DNAH3: variants seen among roughly 807,000 people sequenced by gnomAD.
DNAH3 encodes the protein dynein axonemal heavy chain 3.
Under a neutral mutation model 432.5 loss-of-function variants are expected in DNAH3, and 332 were observed. The observed-to-expected ratio is 0.77, with a 90% CI of 0.70 to 0.84. The LOEUF (loss-of-function observed/expected upper bound fraction) is 0.84. DNAH3 is among the 40% of genes least tolerant of loss of function. The pLI is 0.00. For synonymous variants in DNAH3, 1,956 were observed against 1,900.2 expected, an observed-to-expected ratio of 1.03 and a Z score of -0.76; for missense variants, 4,861 against 5,114.0, an observed-to-expected ratio of 0.95 and a Z score of 1.51.
At chr16:21,141,991 T>C (rs1356791949) in intron 3 of DNAH3, among the ~76,000 whole-genome samples, 1 of 151,896 alleles carries the variant, frequency 6.6e-6, no homozygotes, top group Non-Finnish European at 1.5e-5. Flanking sequence ...AGGTGGAGGT[T>C]GCAGTGAGCC....
chr16:21,051,283 G>C (rs2089944738), intron 29 of DNAH3, among the ~76,000 whole-genome samples: 1 of 152,126 alleles, frequency 6.6e-6, no homozygotes, highest in African/African-American at 2.4e-5. Context: ...CTTTTTTCAT[G>C]AGACTGGCTG....
intron 15 of DNAH3, among the ~76,000 whole-genome samples, chr16:21,105,131 G>A (rs994728624): frequency 1.3e-5 from 2 of 152,274 alleles, no homozygotes; most frequent in African/African-American, 4.8e-5. Flanking sequence ...AGAGCCCACA[G>A]TGAGAGTCCA....
chr16:20,940,874 G>A (rs920257248), intron 59 of DNAH3, among the ~76,000 whole-genome samples: 45 of 152,092 alleles, frequency 3.0e-4, no homozygotes, highest in African/African-American at 1.1e-3. Flanking sequence ...CTGGAGGCCT[G>A]CTTGAGGCCA....
At chr16:21,117,385 G>C (rs1165301504) in intron 11 of DNAH3, 46 bp from the exon 12 acceptor site, 2 of 1,080,190 alleles carry the variant, frequency 1.9e-6, no homozygotes, top group Non-Finnish European at 2.8e-6. Context: ...CTTAAGAAGG[G>C]AGATGGTACC....
rs370450102 is a variant in DNAH3 at position 21,132,242 on chromosome 16, C to CTCT, written c.1082+2016_1082+2017insAGA. ...TAGGTTCTCCAAGCCACAGGGCTCCCTTAAGACTGAACACGTTCAAAGCTA... is the reference window on the plus strand; with the variant it reads ...TAGGTTCTCCAAGCCACAGGGCTCCCTCTTTAAGACTGAACACGTTCAAAGCTA... On this transcript the variant is annotated intron_variant, in intron 7 of 61. Coordinates refer to ENST00000261383, the Ensembl canonical transcript of DNAH3. 5.8e-3 allele frequency among the ~76,000 whole-genome samples: 879 copies of CTCT among 152,274 alleles called. 15 individuals are homozygous for CTCT. Among genetic ancestry groups the CTCT allele is most frequent in the African/African-American group, 0.02 (839 of 41,572 alleles).
At chr16:21,078,174 C>T (rs1001907281) in intron 20 of DNAH3, among the ~76,000 whole-genome samples, 1 of 149,230 alleles carries the variant, frequency 6.7e-6, no homozygotes, top group East Asian at 2.0e-4. Flanking sequence ...ACTCAGGAGG[C>T]TGAGGCAGGA....
chr16:21,034,692 C>T (rs986462374), intron 35 of DNAH3, among the ~76,000 whole-genome samples: 6 of 152,158 alleles, frequency 3.9e-5, no homozygotes, highest in Admixed American at 2.6e-4. Flanking sequence ...ACACAAGCAG[C>T]TTTGTATTTT....
chr16:20,954,204 C>G (rs989435324), intron 55 of DNAH3, among the ~76,000 whole-genome samples: 62 of 111,232 alleles, frequency 5.6e-4, no homozygotes, highest in African/African-American at 2.1e-3. Context: ...GCGTGGGTGA[C>G]AGAGTGAGAC....
chr16:20,957,809 A>C (rs1032909344), intron 54 of DNAH3, among the ~76,000 whole-genome samples: 2 of 29,776 alleles, frequency 6.7e-5, no homozygotes, highest in Non-Finnish European at 1.2e-4. Context: ...CTCCATCTCC[A>C]AAAAAAAAAA....
chr16:21,155,858 A>T (rs1597507730), intron 1 of DNAH3, among the ~76,000 whole-genome samples: 1 of 152,296 alleles, frequency 6.6e-6, no homozygotes, highest in East Asian at 1.9e-4. Context: ...TTGCTAAAAA[A>T]ATTTCACACA....
intron 34 of DNAH3, among the ~76,000 whole-genome samples, chr16:21,037,533 A>T (rs543475001): frequency 6.6e-6 from 1 of 152,342 alleles, no homozygotes; most frequent in South Asian, 2.1e-4. Flanking sequence ...TGTATACCCA[A>T]GAGCAAATAT....
chr16:21,054,936 T>A (rs1284380027), intron 27 of DNAH3, among the ~76,000 whole-genome samples: 1 of 152,050 alleles, frequency 6.6e-6, no homozygotes, highest in Non-Finnish European at 1.5e-5. Flanking sequence ...AATGCATGTG[T>A]TTATCAAAAC....
rs1180486471 is a variant in DNAH3 at position 21,051,661 on chromosome 16, A to G, written c.4238+9T>C. On this transcript the variant is annotated intron_variant, in intron 29 of 61. Transcript: ENST00000261383. ...TTCACCCCTCAGATCTAGGAGCTCCAGAGTGTACCTGTAGCAGCGGTCGGT... is the reference window on the plus strand; with the variant it reads ...TTCACCCCTCAGATCTAGGAGCTCCGGAGTGTACCTGTAGCAGCGGTCGGT... 6.2e-7 allele frequency: 1 copy of G among 1,612,676 alleles called. No individual in the cohort carries two copies. The highest frequency in any genetic ancestry group is 1.7e-5 in the Admixed American group (1 of 60,024).
chr16:21,137,882 A>G (rs2092665258), intron 5 of DNAH3, among the ~76,000 whole-genome samples: 1 of 152,224 alleles, frequency 6.6e-6, no homozygotes, highest in African/African-American at 2.4e-5. Context: ...TCTGGGAATG[A>G]CTAATGTCAG....
At position 21,144,513 on chromosome 16, in the gene DNAH3, T is replaced by C. The variant is rs979236414; in HGVS notation, c.448+668A>G. 3.3e-5 allele frequency among the ~76,000 whole-genome samples: 5 copies of C among 152,218 alleles called. No homozygotes were observed. The East Asian group carries it at 7.7e-4, about 24-fold the overall frequency. On this transcript the variant is annotated intron_variant, in intron 3 of 61. Coordinates refer to ENST00000261383, the Ensembl canonical transcript of DNAH3. ...TGCCTTTAGATGATGGTGGCCTTGG[T>C]GTATGCCTTGATTGTACGCTAGTGA...
intron 1 of DNAH3, among the ~76,000 whole-genome samples, chr16:21,156,222 T>A (rs943731087): frequency 1.3e-4 from 20 of 149,614 alleles, no homozygotes; most frequent in East Asian, 5.8e-4. Context: ...TTATTTTATT[T>A]TATTATTTTA....
intron 7 of DNAH3, among the ~76,000 whole-genome samples, chr16:21,128,828 C>G (rs2092495966): frequency 6.7e-6 from 1 of 149,150 alleles, no homozygotes; most frequent in Non-Finnish European, 1.5e-5. Context: ...CACTGCACTC[C>G]AGCCTGGGTG....
rs758416643 is a variant in DNAH3 at position 20,997,357 on chromosome 16, G to C, written c.6527C>G (p.Thr2176Ser). The change falls in exon 44 of 62, where the codon ACC becomes AGC. Residue 2176 changes from threonine (T) to serine (S), a missense_variant. By Grantham distance (58) the Thr-to-Ser change is moderately conservative. Coordinates refer to ENST00000261383, the Ensembl canonical transcript of DNAH3. ...CAGCATGTCCACGATGTCCAGCCTG[G>C]TTGTGTCTTTTTTGTCAAACCAGTA... 4 of 1,614,056 alleles carry C rather than the reference G, an allele frequency of 2.5e-6. No homozygotes were observed. The African/African-American group carries it at 4.0e-5, about 16-fold the overall frequency.
At position 21,092,749 on chromosome 16, in the gene DNAH3, A is replaced by T; in HGVS notation, c.2665+4606T>A. On this transcript the variant is annotated intron_variant, in intron 18 of 61. Transcript: ENST00000261383. ...AGATCTGATAAATGACTATTATCTA[A>T]ATATACAAAGAATTTTTAAAAATTC... Among the ~76,000 whole-genome samples, 4 of 151,084 alleles carry T rather than the reference A, an allele frequency of 2.6e-5. No homozygotes were observed. In the Middle Eastern group the frequency reaches 0.01, roughly 393 times the overall value.
Sources: gnomAD v4.1 joint callset for allele counts (sites outside exome capture counted in the v4.1 genomes callset) on GRCh38, gnomAD v4.1.1 for gene constraint, MANE v1.5 for transcripts, NCBI Gene and HGNC (gene_info 2026-07-23, HGNC 2026-07-21) for gene names.